MALRD1: variants seen among roughly 807,000 people sequenced by gnomAD.
The protein encoded by MALRD1 is MAM and LDL-receptor class A domain-containing protein 1.
In MALRD1, 247 loss-of-function variants were observed where a neutral mutation model predicts 242.1. The observed-to-expected ratio is 1.02, with a 90% CI of 0.92 to 1.13. MALRD1 has a LOEUF of 1.13. MALRD1 is among the 50% of genes most tolerant of loss of function. MALRD1 has a pLI of 0.00. For missense variants in MALRD1, 2,989 were observed against 2,533.1 expected (o/e 1.18, Z -3.86); for synonymous variants, 995 against 866.6 (o/e 1.15, Z -2.60).
At chr10:19,095,320 A>C (rs1431982405) in intron 4 of MALRD1, among the ~76,000 whole-genome samples, 1 of 152,142 alleles carries the variant, frequency 6.6e-6, no homozygotes, top group Non-Finnish European at 1.5e-5. Flanking sequence ...CAATAAACTT[A>C]ATGAGGGTCA....
At chr10:19,352,442 A>T in intron 26 of MALRD1, 145 bp downstream of exon 26, 2 of 859,010 alleles carry the variant, frequency 2.3e-6, no homozygotes. Context: ...AACTCAAAAA[A>T]ATATTTCTCA....
chr10:19,382,077 C>T (rs1845861354), intron 26 of MALRD1, among the ~76,000 whole-genome samples: 1 of 152,054 alleles, frequency 6.6e-6, no homozygotes, highest in Non-Finnish European at 1.5e-5. Flanking sequence ...CCAGTCTATA[C>T]CCTTAATGTC....
At chr10:19,120,221 G>A (rs1203964382) in intron 5 of MALRD1, among the ~76,000 whole-genome samples, 1 of 151,642 alleles carries the variant, frequency 6.6e-6, no homozygotes, top group African/African-American at 2.4e-5. Flanking sequence ...AAGAGAGACT[G>A]AGAAAAAAAA....
chr10:19,389,699 G>A (rs1299499370), intron 28 of MALRD1, 90 bp downstream of exon 28: 3 of 1,346,202 alleles, frequency 2.2e-6, no homozygotes, highest in Non-Finnish European at 1.0e-6. Flanking sequence ...CAGTGCAGTG[G>A]TGCAGTCATG....
At chr10:19,617,972 T>C (rs911926485) in intron 36 of MALRD1, among the ~76,000 whole-genome samples, 3 of 151,996 alleles carry the variant, frequency 2.0e-5, no homozygotes, top group African/African-American at 7.2e-5. Context: ...TGATCCTCTC[T>C]TTTCTTCCAC....
At chr10:19,378,326 C>T (rs1341873218) in intron 26 of MALRD1, among the ~76,000 whole-genome samples, 3 of 152,034 alleles carry the variant, frequency 2.0e-5, no homozygotes, top group Non-Finnish European at 4.4e-5. Context: ...AAATGAAATC[C>T]ATGGTAGAAG....
At chr10:19,528,573 C>T (rs903310595) in intron 31 of MALRD1, among the ~76,000 whole-genome samples, 1 of 151,990 alleles carries the variant, frequency 6.6e-6, no homozygotes, top group African/African-American at 2.4e-5. Context: ...AGCCTGGCGA[C>T]AGAGCAAGAC....
chr10:19,253,052 AT>A (rs924591483), intron 18 of MALRD1, among the ~76,000 whole-genome samples: 4 of 151,980 alleles, frequency 2.6e-5, no homozygotes, highest in Admixed American at 2.0e-4. Flanking sequence ...GTTTATAAGA[AT>A]TTACTTAACA....
intron 33 of MALRD1, among the ~76,000 whole-genome samples, chr10:19,581,376 C>A (rs1284283316): frequency 7.8e-6 from 1 of 127,642 alleles, no homozygotes; most frequent in Non-Finnish European, 1.6e-5. Context: ...CCCCTCCCCC[C>A]ACCCCACAAC....
intron 25 of MALRD1, among the ~76,000 whole-genome samples, chr10:19,349,541 G>A (rs1421578313): frequency 1.3e-5 from 2 of 152,138 alleles, no homozygotes; most frequent in African/African-American, 2.4e-5. Flanking sequence ...CAGCAGTCTA[G>A]AATGAAAGTA....
chr10:19,723,252 T>C (rs1834854523), intron 38 of MALRD1, among the ~76,000 whole-genome samples: 1 of 152,216 alleles, frequency 6.6e-6, no homozygotes, highest in Non-Finnish European at 1.5e-5. Flanking sequence ...ATTATGTTTA[T>C]CCATTAACAT....
chr10:19,445,532 C>A (rs138952862), intron 28 of MALRD1, among the ~76,000 whole-genome samples: 2 of 152,212 alleles, frequency 1.3e-5, no homozygotes, highest in Non-Finnish European at 2.9e-5. Context: ...TTCCTTCTAA[C>A]AGTCAGGACC....
At chr10:19,259,099 C>T (rs1839640826) in intron 19 of MALRD1, among the ~76,000 whole-genome samples, 1 of 152,152 alleles carries the variant, frequency 6.6e-6, no homozygotes, top group Non-Finnish European at 1.5e-5. Flanking sequence ...CAGCAGCCCA[C>T]ATGTTTCTTT....
chr10:19,612,429 A>AT (rs950645713), intron 35 of MALRD1, among the ~76,000 whole-genome samples: 1 of 151,840 alleles, frequency 6.6e-6, no homozygotes, highest in Non-Finnish European at 1.5e-5. Context: ...CAAATTGCTG[A>AT]TTTTTTTGAA....
intron 26 of MALRD1, among the ~76,000 whole-genome samples, chr10:19,385,984 T>G (rs1382134427): frequency 6.6e-6 from 1 of 152,144 alleles, no homozygotes. Context: ...AGTCCATGGT[T>G]GAAGCTTATT....
At chr10:19,084,456 C>G (rs1835599872) in intron 2 of MALRD1, among the ~76,000 whole-genome samples, 1 of 151,830 alleles carries the variant, frequency 6.6e-6, no homozygotes, top group Non-Finnish European at 1.5e-5. Context: ...TATTATCTCA[C>G]TATTAAAATG....
At chr10:19,691,479 G>C (rs777214113) in intron 36 of MALRD1, among the ~76,000 whole-genome samples, 1 of 151,986 alleles carries the variant, frequency 6.6e-6, no homozygotes, top group Admixed American at 6.6e-5. Context: ...ATCCTATTTT[G>C]TAGCATGTAC....
intron 34 of MALRD1, among the ~76,000 whole-genome samples, chr10:19,604,726 C>T (rs1280323585): frequency 6.6e-6 from 1 of 152,090 alleles, no homozygotes; most frequent in Non-Finnish European, 1.5e-5. Context: ...CAATGCCTGG[C>T]TTAACTAAAA....
intron 11 of MALRD1, among the ~76,000 whole-genome samples, chr10:19,147,397 G>A (rs1833760881): frequency 6.6e-6 from 1 of 152,128 alleles, no homozygotes; most frequent in Admixed American, 6.5e-5. Flanking sequence ...CTAGTTAATT[G>A]TTTAACAGTG....
Sources: gnomAD v4.1 joint callset for allele counts (sites outside exome capture counted in the v4.1 genomes callset) on GRCh38, gnomAD v4.1.1 for gene constraint, MANE v1.5 for transcripts, NCBI Gene and HGNC (gene_info 2026-07-23, HGNC 2026-07-21) for gene names.